The following AGBL1 variants were observed in gnomAD, a reference collection of about 807,000 sequenced individuals.
The protein encoded by AGBL1 is AGBL carboxypeptidase 1, also known as cytosolic carboxypeptidase 4.
In AGBL1, 130 loss-of-function variants were observed where a neutral mutation model predicts 118.9. The ratio of observed to expected loss-of-function variants is 1.09; its 90% CI spans 0.95 to 1.26. The LOEUF (loss-of-function observed/expected upper bound fraction) is 1.26. Among genes scored for constraint, AGBL1 ranks in the 50% most tolerant of loss-of-function variants. The pLI is 0.00. For synonymous variants in AGBL1, 555 were observed against 478.9 expected, an observed-to-expected ratio of 1.16 and a Z score of -2.08; for missense variants, 1,584 against 1,298.1, an observed-to-expected ratio of 1.22 and a Z score of -3.38.
chr15:86,704,832 C>T (rs968333787), intron 22 of AGBL1, among the ~76,000 whole-genome samples: 4 of 152,150 alleles, frequency 2.6e-5, no homozygotes, highest in Admixed American at 6.6e-5. Context: ...CACATGTACA[C>T]GTATGTTTAT....
chr15:86,321,826 T>C (rs568123229), intron 17 of AGBL1, among the ~76,000 whole-genome samples: 3 of 152,144 alleles, frequency 2.0e-5, no homozygotes, highest in South Asian at 4.1e-4. Context: ...TTTATCTCTA[T>C]ACCACTGGCT....
At chr15:86,250,913 A>G (rs1435556334) in intron 7 of AGBL1, among the ~76,000 whole-genome samples, 1 of 152,196 alleles carries the variant, frequency 6.6e-6, no homozygotes, top group Non-Finnish European at 1.5e-5. Context: ...TGCCATTTGC[A>G]AATTATGCTG....
At chr15:86,279,584 G>GC (rs1441071965) in intron 15 of AGBL1, 55 bp from the exon 16 acceptor site, 21 of 1,555,760 alleles carry the variant, frequency 1.3e-5, no homozygotes, top group East Asian at 4.5e-5. Flanking sequence ...AAATGACCCT[G>GC]CACCCCCCTC....
chr15:86,277,234 G>A (rs932710160), intron 15 of AGBL1, among the ~76,000 whole-genome samples: 3 of 151,348 alleles, frequency 2.0e-5, no homozygotes, highest in African/African-American at 7.3e-5. Context: ...GTCTTGCTCG[G>A]GAGAATCTAA....
chr15:86,167,797 T>C (rs191672296), intron 5 of AGBL1, among the ~76,000 whole-genome samples: 482 of 152,290 alleles, frequency 3.2e-3, no homozygotes, highest in Non-Finnish European at 5.9e-3. Flanking sequence ...TTTTAAGAGT[T>C]TAGGCAGAGA....
intron 21 of AGBL1, among the ~76,000 whole-genome samples, chr15:86,577,548 C>T (rs1204643406): frequency 6.6e-6 from 1 of 152,066 alleles, no homozygotes; most frequent in Non-Finnish European, 1.5e-5. Context: ...AATGTTAATC[C>T]CCAAGACAAT....
intron 5 of AGBL1, among the ~76,000 whole-genome samples, chr15:86,224,128 C>G (rs555448374): frequency 6.6e-6 from 1 of 152,264 alleles, no homozygotes; most frequent in Non-Finnish European, 1.5e-5. Context: ...TAGGGCCACA[C>G]AGAATCTTCT....
chr15:86,542,627 C>T (rs2083520505), intron 19 of AGBL1, among the ~76,000 whole-genome samples: 1 of 152,090 alleles, frequency 6.6e-6, no homozygotes, highest in South Asian at 2.1e-4. Context: ...CTCGGCCTCC[C>T]AAAGTGCTGG....
chr15:86,353,057 A>C (rs1402006180), intron 17 of AGBL1, among the ~76,000 whole-genome samples: 3 of 152,224 alleles, frequency 2.0e-5, no homozygotes, highest in Admixed American at 1.3e-4. Context: ...CATCTGTTGC[A>C]GTATATATGA....
intron 22 of AGBL1, among the ~76,000 whole-genome samples, chr15:86,826,084 T>C (rs1305990152): frequency 6.6e-6 from 1 of 152,178 alleles, no homozygotes; most frequent in Non-Finnish European, 1.5e-5. Flanking sequence ...TGTAATCCAC[T>C]GATTTTATCA....
intron 22 of AGBL1, among the ~76,000 whole-genome samples, chr15:86,890,010 C>G (rs138615908): frequency 2.6e-5 from 4 of 152,146 alleles, no homozygotes; most frequent in Non-Finnish European, 5.9e-5. Flanking sequence ...TGTAGTCCCA[C>G]CAACAGTGTA....
chr15:86,140,136 C>T (rs969762138), intron 1 of AGBL1: 18 of 163,158 alleles, frequency 1.1e-4, no homozygotes, highest in African/African-American at 4.3e-4. Context: ...ATGCCAAGTT[C>T]TTCACCCTCA....
chr15:86,990,461 C>T (rs1421652493), intron 24 of AGBL1, among the ~76,000 whole-genome samples: 1 of 151,956 alleles, frequency 6.6e-6, no homozygotes, highest in Admixed American at 6.6e-5. Context: ...TTGCAGTGAG[C>T]CAAGATTGTG....
At chr15:86,704,400 C>G (rs1394601446) in intron 22 of AGBL1, among the ~76,000 whole-genome samples, 1 of 152,080 alleles carries the variant, frequency 6.6e-6, no homozygotes, top group Admixed American at 6.6e-5. Context: ...AGACAAAGGT[C>G]TAATATCCAG....
intron 24 of AGBL1, among the ~76,000 whole-genome samples, chr15:87,004,462 T>G (rs549805836): frequency 6.6e-6 from 1 of 152,376 alleles, no homozygotes; most frequent in Admixed American, 6.5e-5. Context: ...TTGTCTCTTT[T>G]GATCTTTATT....
intron 18 of AGBL1, among the ~76,000 whole-genome samples, chr15:86,455,898 A>T (rs537796933): frequency 6.6e-6 from 1 of 152,138 alleles, no homozygotes; most frequent in East Asian, 1.9e-4. Flanking sequence ...CCATTACCCT[A>T]TACTTTCTCA....
At chr15:86,824,288 C>A (rs942245876) in intron 22 of AGBL1, among the ~76,000 whole-genome samples, 1 of 152,006 alleles carries the variant, frequency 6.6e-6, no homozygotes, top group African/African-American at 2.4e-5. Flanking sequence ...TTTTTCTATA[C>A]TAAAAATGAA....
intron 6 of AGBL1, among the ~76,000 whole-genome samples, chr15:86,243,616 A>G (rs1359074461): frequency 1.3e-5 from 2 of 152,146 alleles, no homozygotes; most frequent in African/African-American, 2.4e-5. Flanking sequence ...AGCAGGGTCA[A>G]TGCTTTTAGG....
At chr15:86,191,968 G>T (rs2077729759) in intron 5 of AGBL1, among the ~76,000 whole-genome samples, 1 of 151,036 alleles carries the variant, frequency 6.6e-6, no homozygotes, top group Admixed American at 6.6e-5. Flanking sequence ...AGGTGTAATG[G>T]CATGTGCCTG....
Sources: allele counts gnomAD v4.1 joint callset (sites outside exome capture counted in the v4.1 genomes callset), GRCh38; gene constraint gnomAD v4.1.1; transcripts MANE v1.5; gene names NCBI Gene and HGNC (gene_info 2026-07-23, HGNC 2026-07-21).